The following ST18 variants were observed in gnomAD, a reference collection of about 807,000 sequenced individuals.
ST18 encodes suppression of tumorigenicity 18 protein.
Under a neutral mutation model 110.0 loss-of-function variants are expected in ST18, and 50 were observed. The observed-to-expected ratio is 0.45, with a 90% CI of 0.36 to 0.58. The LOEUF is 0.58. Ranked by LOEUF, ST18 falls within the 20% of genes least tolerant of loss-of-function variation. The pLI, the probability that ST18 is intolerant of heterozygous loss-of-function variation, is 0.00. For synonymous variants in ST18, 461 were observed against 452.4 expected (o/e 1.02, Z -0.24); for missense variants, 1,306 against 1,280.1 (o/e 1.02, Z -0.31).
chr8:52,331,736 C>T (rs544163021), intron 2 of ST18, among the ~76,000 whole-genome samples: 1 of 152,258 alleles, frequency 6.6e-6, no homozygotes, highest in South Asian at 2.1e-4. Flanking sequence ...TATCAAAGTG[C>T]AAAGTCCCAC....
chr8:52,135,968 C>G (rs1250662365), intron 19 of ST18, among the ~76,000 whole-genome samples: 1 of 151,660 alleles, frequency 6.6e-6, no homozygotes, highest in African/African-American at 2.4e-5. Context: ...AAATTTATGC[C>G]CTATCATATT....
intron 2 of ST18, among the ~76,000 whole-genome samples, chr8:52,284,315 A>T (rs1462849863): frequency 6.6e-6 from 1 of 152,236 alleles, no homozygotes; most frequent in Non-Finnish European, 1.5e-5. Context: ...ACGCTTGAAC[A>T]TGAGGAGGAA....
intron 2 of ST18, among the ~76,000 whole-genome samples, chr8:52,348,847 A>G (rs1196580402): frequency 1.3e-5 from 2 of 152,228 alleles, no homozygotes; most frequent in Non-Finnish European, 2.9e-5. Flanking sequence ...ATTATTAGAT[A>G]TAGTTATCAT....
intron 2 of ST18, among the ~76,000 whole-genome samples, chr8:52,391,768 C>A (rs1564643040): frequency 6.6e-6 from 1 of 152,126 alleles, no homozygotes; most frequent in Non-Finnish European, 1.5e-5. Flanking sequence ...CAGAATACAT[C>A]CCTGTCATTG....
intron 2 of ST18, among the ~76,000 whole-genome samples, chr8:52,283,524 G>T (rs897257270): frequency 6.6e-5 from 10 of 152,108 alleles, no homozygotes; most frequent in Admixed American, 6.5e-4. Context: ...TGAAAGCCCA[G>T]TTAAAAAAAA....
At chr8:52,393,845 T>C (rs1052860480) in intron 2 of ST18, 32 of 148,178 alleles carry the variant, frequency 2.2e-4, no homozygotes, top group African/African-American at 7.6e-4. Flanking sequence ...ACTGTGCCAT[T>C]GTACTCCGCC....
chr8:52,219,808 C>T (rs555628884), intron 5 of ST18, among the ~76,000 whole-genome samples: 11 of 152,308 alleles, frequency 7.2e-5, no homozygotes, highest in African/African-American at 2.4e-4. Context: ...AGACCTGAAA[C>T]AAGCTTGGGT....
At chr8:52,402,361 G>T (rs1843049079) in intron 2 of ST18, among the ~76,000 whole-genome samples, 1 of 152,134 alleles carries the variant, frequency 6.6e-6, no homozygotes, top group Non-Finnish European at 1.5e-5. Context: ...GTGGGCACAG[G>T]TCCATTCTCT....
chr8:52,274,771 A>G (rs897238598), intron 2 of ST18, among the ~76,000 whole-genome samples: 5 of 152,262 alleles, frequency 3.3e-5, no homozygotes, highest in Admixed American at 2.6e-4. Context: ...ACTTGTCCAG[A>G]TTTCCAGTCA....
intron 2 of ST18, among the ~76,000 whole-genome samples, chr8:52,341,860 G>A (rs1424737551): frequency 1.5e-5 from 1 of 68,006 alleles, no homozygotes; most frequent in East Asian, 4.5e-4. Context: ...TGGCCCAGGG[G>A]AGGGGACAGC....
chr8:52,387,561 G>T (rs1837326594), intron 2 of ST18, among the ~76,000 whole-genome samples: 1 of 152,000 alleles, frequency 6.6e-6, no homozygotes, highest in South Asian at 2.1e-4. Flanking sequence ...GGCTTATTTT[G>T]TGGAGAAGAT....
rs538820022 is a variant in ST18, at chr8:52,141,939, G to A, written c.2168+991C>T. 1.4e-4 allele frequency among the ~76,000 whole-genome samples: 21 copies of A among 152,302 alleles called. No individual in the cohort carries two copies. In the South Asian group the frequency reaches 3.7e-3, roughly 27 times the overall value. On this transcript the variant is annotated intron_variant, in intron 17 of 25. Transcript: ENST00000689386. Reference sequence around the variant, plus strand: ...CCAGGACGGAGATCAGAGGCACCGCGCTCTTTAGAAGGCTACACATGAGTC... The same window carrying A: ...CCAGGACGGAGATCAGAGGCACCGCACTCTTTAGAAGGCTACACATGAGTC...
rs374397442 is a variant in ST18, at chr8:52,363,336, ATCTT to A, written c.-465+45988_-465+45991del. Reference sequence around the variant, plus strand: ...GTGGGTAAACATTTAGAATTTTTAAATCTTTCTCGTGAATCAGCCCATTTGGGGG... The same window carrying A: ...GTGGGTAAACATTTAGAATTTTTAAATCTCGTGAATCAGCCCATTTGGGGG... On this transcript the variant is annotated intron_variant, in intron 2 of 25. Coordinates refer to ENST00000689386, the MANE Select transcript of ST18 (RefSeq NM_001352837.2). Among the ~76,000 whole-genome samples, 84 of 152,316 alleles carry A rather than the reference ATCTT, an allele frequency of 5.5e-4. No homozygotes were observed. In the South Asian group the frequency reaches 6.0e-3, roughly 11 times the overall value.
intron 2 of ST18, among the ~76,000 whole-genome samples, chr8:52,286,992 A>T (rs1006664825): frequency 1.3e-5 from 2 of 152,010 alleles, no homozygotes; most frequent in African/African-American, 2.4e-5. Context: ...TAAAGAAAAT[A>T]AAAAAAACTG....
At chr8:52,230,414 A>G (rs1038494614) in intron 2 of ST18, among the ~76,000 whole-genome samples, 8 of 145,196 alleles carry the variant, frequency 5.5e-5, no homozygotes, top group Non-Finnish European at 9.1e-5. Context: ...TTTTCTGAAG[A>G]AAAAAAAAAA....
intron 2 of ST18, among the ~76,000 whole-genome samples, chr8:52,233,643 T>A (rs1206812153): frequency 6.6e-6 from 1 of 152,174 alleles, no homozygotes; most frequent in African/African-American, 2.4e-5. Context: ...CCACGACCAA[T>A]GAGAGGTCCG....
chr8:52,214,346 T>C, intron 6 of ST18, 89 bp from the exon 7 acceptor site: 3 of 1,390,530 alleles, frequency 2.2e-6, no homozygotes, highest in Non-Finnish European at 3.0e-6. Context: ...AAGGTCATTA[T>C]GAAAAACAGT....
At chr8:52,305,054 C>A (rs2095791583) in intron 2 of ST18, among the ~76,000 whole-genome samples, 1 of 152,076 alleles carries the variant, frequency 6.6e-6, no homozygotes, top group African/African-American at 2.4e-5. Context: ...GTACATTGTG[C>A]TGAAATGTTG....
At chr8:52,349,504 C>T (rs935835086) in intron 2 of ST18, among the ~76,000 whole-genome samples, 1 of 152,118 alleles carries the variant, frequency 6.6e-6, no homozygotes, top group Non-Finnish European at 1.5e-5. Context: ...AAAAATAGGT[C>T]CTCACTCCAT....
Sources: allele counts gnomAD v4.1 joint callset (sites outside exome capture counted in the v4.1 genomes callset), GRCh38; gene constraint gnomAD v4.1.1; transcripts MANE v1.5; gene names NCBI Gene and HGNC (gene_info 2026-07-23, HGNC 2026-07-21).